The following SLC14A2 variants were observed in gnomAD, a reference collection of about 807,000 sequenced individuals.
SLC14A2 encodes urea transporter 2.
A neutral mutation model predicts 104.6 loss-of-function variants in SLC14A2; 91 were observed. That is an observed-to-expected ratio of 0.87 (90% confidence interval 0.73 to 1.04). The LOEUF (loss-of-function observed/expected upper bound fraction) is 1.04, where lower values mean the gene tolerates loss of function less well. SLC14A2 is among the 50% of genes least tolerant of loss of function. The probability of loss-of-function intolerance (pLI) is 0.00; values close to 1 mark genes in which losing one functional copy is unlikely to be tolerated. For synonymous variants in SLC14A2, 476 were observed against 466.4 expected (o/e 1.02, Z -0.27); for missense variants, 1,189 against 1,156.0 (o/e 1.03, Z -0.41).
intron 2 of SLC14A2, among the ~76,000 whole-genome samples, chr18:45,516,271 C>T (rs2193635): frequency 0.24 from 37,089 of 151,872 alleles, 4,845 homozygotes; most frequent in African/African-American, 0.32. Flanking sequence ...TCTTCCTTTC[C>T]TTCCTTTCTC....
At chr18:45,586,501 G>GCCC (rs2044568781) in intron 2 of SLC14A2, among the ~76,000 whole-genome samples, 2 of 152,340 alleles carry the variant, frequency 1.3e-5, no homozygotes, top group African/African-American at 4.8e-5. Flanking sequence ...ATTTGACTTA[G>GCCC]GTTTGCAAAG....
At chr18:45,541,294 C>T (rs766541703) in intron 2 of SLC14A2, among the ~76,000 whole-genome samples, 4 of 152,216 alleles carry the variant, frequency 2.6e-5, no homozygotes, top group Non-Finnish European at 5.9e-5. Context: ...TATCAAGATT[C>T]GACTGGCCCA....
intron 2 of SLC14A2, among the ~76,000 whole-genome samples, chr18:45,562,945 C>G (rs1389147575): frequency 6.6e-6 from 1 of 152,172 alleles, no homozygotes; most frequent in African/African-American, 2.4e-5. Context: ...TGAGTCGCCA[C>G]TGAAAAAGAA....
the SLC14A2 span, among the ~76,000 whole-genome samples, chr18:45,202,503 C>G: frequency 1.3e-5 from 2 of 152,014 alleles, no homozygotes; most frequent in African/African-American, 4.8e-5. Flanking sequence ...TGTTATCAAA[C>G]ATAACATTGG....
intron 1 of SLC14A2, among the ~76,000 whole-genome samples, chr18:45,412,962 C>T (rs953104153): frequency 2.0e-5 from 3 of 152,146 alleles, no homozygotes; most frequent in East Asian, 1.9e-4. Context: ...AGCAAAAGTG[C>T]GGGGACCAGA....
intron 2 of SLC14A2, among the ~76,000 whole-genome samples, chr18:45,577,710 C>T (rs951329890): frequency 6.6e-6 from 1 of 152,048 alleles, no homozygotes; most frequent in Non-Finnish European, 1.5e-5. Flanking sequence ...GATCCCATTG[C>T]TGTGAAGTAC....
chr18:45,265,233 C>T (rs1247626972), intron 1 of SLC14A2, among the ~76,000 whole-genome samples: 6 of 152,154 alleles, frequency 3.9e-5, no homozygotes, highest in African/African-American at 1.4e-4. Flanking sequence ...TTATGAAGAG[C>T]TCTTATGTAG....
Position 45,669,666 on chromosome 18 carries a change from G to A in SLC14A2, c.2229+168G>A, listed in dbSNP as rs555980845. On this transcript the variant is annotated intron_variant, in intron 16 of 19. Coordinates refer to ENST00000255226, the MANE Select transcript of SLC14A2 (RefSeq NM_007163.4). ...AGCTGCCATCCTTTTCTACTTCTGA[G>A]AGCAAAAAGGGCTAGTTTTGGTCTC... is the stretch of plus-strand genomic sequence containing the variant. 2.0e-5 allele frequency among the ~76,000 whole-genome samples: 3 copies of A among 152,272 alleles called. 1 individual carries two copies. The highest frequency in any genetic ancestry group is 7.2e-5 in the African/African-American group (3 of 41,558).
chr18:45,406,989 T>TA (rs1035720726), intron 1 of SLC14A2, among the ~76,000 whole-genome samples: 1 of 152,160 alleles, frequency 6.6e-6, no homozygotes, highest in Non-Finnish European at 1.5e-5. Context: ...TTCACAGTGG[T>TA]AAATGAGCAT....
At chr18:45,300,978 G>A (rs142280303) in intron 1 of SLC14A2, among the ~76,000 whole-genome samples, 47 of 152,324 alleles carry the variant, frequency 3.1e-4, no homozygotes, top group African/African-American at 1.1e-3. Context: ...GACAGGAAGG[G>A]GAGATTGTGA....
chr18:45,311,076 G>A (rs920437541), intron 1 of SLC14A2, among the ~76,000 whole-genome samples: 4 of 152,156 alleles, frequency 2.6e-5, no homozygotes, highest in Non-Finnish European at 5.9e-5. Context: ...TCTTGCTTCG[G>A]GCTTGGTATC....
intron 2 of SLC14A2, among the ~76,000 whole-genome samples, chr18:45,571,559 CA>C (rs1460220310): frequency 6.6e-6 from 1 of 152,202 alleles, no homozygotes. Context: ...TCTAAGAAAT[CA>C]GACAACGTCT....
chr18:45,355,328 C>A (rs1196569462), intron 1 of SLC14A2, among the ~76,000 whole-genome samples: 1 of 152,022 alleles, frequency 6.6e-6, no homozygotes, highest in African/African-American at 2.4e-5. Flanking sequence ...GTAATCCCAG[C>A]ACTTTGGGAG....
At chr18:45,338,699 A>AC (rs2085362226) in intron 1 of SLC14A2, among the ~76,000 whole-genome samples, 1 of 149,458 alleles carries the variant, frequency 6.7e-6, no homozygotes, top group African/African-American at 2.5e-5. Context: ...AAAAAAAAAA[A>AC]AAAAAAAAAA....
chr18:45,171,225 A>G, the SLC14A2 span, among the ~76,000 whole-genome samples: 1 of 152,160 alleles, frequency 6.6e-6, no homozygotes, highest in Non-Finnish European at 1.5e-5. Context: ...TGAAATTCAA[A>G]TGTAAGTGGG....
intron 2 of SLC14A2, among the ~76,000 whole-genome samples, chr18:45,525,051 G>T (rs980753103): frequency 7.9e-5 from 12 of 152,026 alleles, no homozygotes; most frequent in African/African-American, 2.7e-4. Context: ...TTTAAATCTA[G>T]AACAATCTTA....
At chr18:45,242,768 A>G (rs1206684763) in intron 1 of SLC14A2, among the ~76,000 whole-genome samples, 1 of 152,182 alleles carries the variant, frequency 6.6e-6, no homozygotes, top group Non-Finnish European at 1.5e-5. Flanking sequence ...AGGAGTAGAA[A>G]CCCTATTTTC....
chr18:45,315,272 G>A (rs1331889434), intron 1 of SLC14A2, among the ~76,000 whole-genome samples: 1 of 152,144 alleles, frequency 6.6e-6, no homozygotes, highest in Non-Finnish European at 1.5e-5. Context: ...AAGGCAGGGT[G>A]CATCAGATCT....
At chr18:45,457,237 A>G (rs994300989) in intron 1 of SLC14A2, among the ~76,000 whole-genome samples, 4 of 152,164 alleles carry the variant, frequency 2.6e-5, no homozygotes, top group Non-Finnish European at 4.4e-5. Context: ...GACTGGATCA[A>G]TAGAGTACAG....
Sources: gnomAD v4.1 joint callset for allele counts (sites outside exome capture counted in the v4.1 genomes callset) on GRCh38, gnomAD v4.1.1 for gene constraint, MANE v1.5 for transcripts, NCBI Gene and HGNC (gene_info 2026-07-23, HGNC 2026-07-21) for gene names.